The following STRADA variants were observed in gnomAD, a reference collection of about 807,000 sequenced individuals.
The protein encoded by STRADA is STE20 related adaptor alpha, also known as STE20-related kinase adapter protein alpha.
STRADA carries 26 observed loss-of-function variants against 55.0 expected under a neutral mutation model. The ratio of observed to expected loss-of-function variants is 0.47; its 90% confidence interval spans 0.35 to 0.66. The LOEUF (loss-of-function observed/expected upper bound fraction) is 0.66, where lower values mean the gene tolerates loss of function less well. Ranked by LOEUF, STRADA falls within the 30% of genes least tolerant of loss-of-function variation. STRADA has a pLI of 0.01. For missense variants in STRADA, 443 were observed against 549.7 expected, an observed-to-expected ratio of 0.81 and a Z score of 1.94; for synonymous variants, 197 against 210.9, an observed-to-expected ratio of 0.93 and a Z score of 0.57.
intron 8 of STRADA, among the ~76,000 whole-genome samples, chr17:63,708,433 C>G (rs1281099130): frequency 6.6e-6 from 1 of 151,780 alleles, no homozygotes; most frequent in African/African-American, 2.4e-5. Context: ...CTCCTGACCT[C>G]AAGAGATCCA....
At chr17:63,728,863 G>C (rs1401799062) in intron 1 of STRADA, among the ~76,000 whole-genome samples, 1 of 147,250 alleles carries the variant, frequency 6.8e-6, no homozygotes, top group African/African-American at 2.6e-5. Context: ...TTGCATTCCA[G>C]CCTGGGTGAC....
chr17:63,730,418 C>T (rs1006146547), intron 1 of STRADA, among the ~76,000 whole-genome samples: 6 of 144,676 alleles, frequency 4.1e-5, no homozygotes, highest in African/African-American at 1.3e-4. Context: ...TTTTTTGAGG[C>T]GGGGTCTGGC....
chr17:63,730,955 CT>C lies in STRADA; in HGVS notation c.-44-2543del, dbSNP rs373139976. Among the ~76,000 whole-genome samples, 77 of 150,074 alleles carry C rather than the reference CT, an allele frequency of 5.1e-4. 1 individual carries two copies. The highest frequency in any genetic ancestry group is 3.5e-3 in the Middle Eastern group (1 of 286). On this transcript the variant is annotated intron_variant, in intron 1 of 12. Transcript: ENST00000336174. ...CTGCGCCTGGCCCTACCCTGATATT[CT>C]TTTTTTTTGAGATGGAGTCTCGCTC...
chr17:63,723,217 A>T, intron 4 of STRADA, 81 bp downstream of exon 4: 2 of 1,454,186 alleles, frequency 1.4e-6, no homozygotes, highest in South Asian at 2.3e-5. Flanking sequence ...ATAAAATGAT[A>T]AGCCAACAAA....
chr17:63,741,856 G>C (rs1421267597), upstream of STRADA: 2 of 152,792 alleles, frequency 1.3e-5, no homozygotes, highest in African/African-American at 4.8e-5. Context: ...GCCATGCGCA[G>C]TGGGGCGACC....
rs780888511 is a variant in STRADA, at chr17:63,710,529, C to T, written c.543G>A (p.Lys181=). 10 of 1,613,956 alleles carry T rather than the reference C, an allele frequency of 6.2e-6. No individual in the cohort carries two copies. Among genetic ancestry groups the T allele is most frequent in the Non-Finnish European group, 8.5e-6 (10 of 1,179,884 alleles). ...AIAYILQGVL[K]ALDYIHHMGY... The stretch of plus-strand genomic sequence containing the variant: ...CCATGTGGTGGATGTAGTCGAGGGC[C>T]TTCAGCACCCCCTGCAGGATGTAAG... The change falls in exon 8 of 13, where the codon AAG becomes AAA. Residue 181 remains lysine, a synonymous_variant. Coordinates refer to ENST00000336174, the MANE Select transcript of STRADA (RefSeq NM_001003787.4).
rs895954113 is a variant in STRADA at position 63,741,768 on chromosome 17, G to C, written c.-72C>G. ...GTTCCTGGAGTTAGCAAGCAGCCCCGACCGTCTTGGCTCCGCCTCCTCAGT... is the reference window on the plus strand; with the variant it reads ...GTTCCTGGAGTTAGCAAGCAGCCCCCACCGTCTTGGCTCCGCCTCCTCAGT... On this transcript the variant is annotated 5_prime_UTR_variant, in exon 1 of 13. Coordinates refer to ENST00000336174, the MANE Select transcript of STRADA (RefSeq NM_001003787.4). The C allele has an allele frequency of 6.5e-6, 1 of 152,810 alleles. No homozygotes were observed. The highest frequency in any genetic ancestry group is 1.5e-5 in the Non-Finnish European group (1 of 68,498). 9.5% of individuals were successfully genotyped at this position (152,810 alleles called of 1,614,324 possible).
At chr17:63,704,954 G>A (rs757334898) in intron 10 of STRADA, 14 of 1,508,338 alleles carry the variant, frequency 9.3e-6, no homozygotes, top group South Asian at 2.4e-5. Flanking sequence ...AAGCCCAGCC[G>A]TCTGCCATGC....
Position 63,706,639 on chromosome 17 carries a change from G to A in STRADA, c.854C>T (p.Thr285Ile), listed in dbSNP as rs1190746792. The A allele has an allele frequency of 1.2e-6, 2 of 1,612,000 alleles. No homozygotes were observed. The highest frequency in any genetic ancestry group is 1.3e-5 in the African/African-American group (1 of 74,874). ...ACCGATGGGCGGCAGGCTTACCTGG[G>A]TGGCAGGCATATCCTTAAAGGGGAC... ...GHVPFKDMPA[T>I]QMLLEKLNGT... is the part of the protein sequence containing the mutation. Residue 285 changes from threonine (T) to isoleucine (I), a missense_variant, in exon 10 of 13, where the codon ACC (threonine) becomes ATC (isoleucine). Thr to Ile is a moderately conservative substitution (Grantham distance 89, BLOSUM62 -1). Transcript: ENST00000336174.
intron 5 of STRADA, 56 bp downstream of exon 5, chr17:63,713,950 G>A: frequency 7.0e-7 from 1 of 1,425,226 alleles, no homozygotes; most frequent in Non-Finnish European, 9.9e-7. Flanking sequence ...TGCTGAGAAA[G>A]CTGCAGCAGC....
chr17:63,722,657 G>C (rs1440827170), intron 4 of STRADA, among the ~76,000 whole-genome samples: 1 of 152,150 alleles, frequency 6.6e-6, no homozygotes, highest in Non-Finnish European at 1.5e-5. Context: ...AGTCTAGGTA[G>C]GAAAGGTTCT....
intron 8 of STRADA, among the ~76,000 whole-genome samples, chr17:63,709,273 G>A (rs1463977335): frequency 1.3e-5 from 2 of 152,312 alleles, no homozygotes; most frequent in East Asian, 1.9e-4. Context: ...ACTGGGACTC[G>A]TCCAGCCTCC....
intron 4 of STRADA, among the ~76,000 whole-genome samples, chr17:63,717,371 G>A (rs2036963452): frequency 6.6e-6 from 1 of 152,176 alleles, no homozygotes; most frequent in South Asian, 2.1e-4. Flanking sequence ...GCAATGGCGT[G>A]ATCTCAGCTC....
At chr17:63,733,824 T>G (rs922983319) in intron 1 of STRADA, among the ~76,000 whole-genome samples, 2 of 152,212 alleles carry the variant, frequency 1.3e-5, no homozygotes, top group Non-Finnish European at 2.9e-5. Flanking sequence ...GAGTTTCTAA[T>G]GAGCTTTCCT....
chr17:63,710,801 G>C lies in STRADA; in HGVS notation c.384C>G (p.Pro128=), dbSNP rs750792651. The change falls in exon 7 of 13, where the codon CCC becomes CCG. Residue 128 remains proline, a synonymous_variant. Transcript: ENST00000336174. ...AAGTGGCTCGATATGGCACGATATT[G>C]GGATGGTTGAAGAGTTTGGAGACAT... ...ELHVSKLFNH[P]NIVPYRATFI... 6.2e-7 allele frequency: 1 copy of C among 1,614,178 alleles called. No homozygotes were observed. Among genetic ancestry groups the C allele is most frequent in the Non-Finnish European group, 8.5e-7 (1 of 1,180,026 alleles).
chr17:63,709,165 C>T (rs1299510065), intron 8 of STRADA, among the ~76,000 whole-genome samples: 3 of 152,196 alleles, frequency 2.0e-5, no homozygotes, highest in Admixed American at 1.3e-4. Flanking sequence ...TTAGGGTGTA[C>T]ATCCAGAAGT....
chr17:63,738,178 T>C (rs999902052), intron 1 of STRADA, among the ~76,000 whole-genome samples: 9 of 150,546 alleles, frequency 6.0e-5, no homozygotes, highest in Non-Finnish European at 1.2e-4. Flanking sequence ...CCGTCTCTAC[T>C]AAAAATACAA....
At chr17:63,704,895 G>C in intron 10 of STRADA, 1 of 1,535,984 alleles carries the variant, frequency 6.5e-7, no homozygotes, top group Non-Finnish European at 8.7e-7. Context: ...TCCTTTTACC[G>C]TAGAGTCTTC....
At chr17:63,710,987 T>G in intron 6 of STRADA, 151 bp from the exon 7 acceptor site, 3 of 672,148 alleles carry the variant, frequency 4.5e-6, no homozygotes, top group Non-Finnish European at 5.0e-6. Flanking sequence ...CCTGCCAACA[T>G]AGGAAAAACA....
Sources: gnomAD v4.1 joint callset for allele counts (sites outside exome capture counted in the v4.1 genomes callset) on GRCh38, gnomAD v4.1.1 for gene constraint, MANE v1.5 for transcripts, NCBI Gene and HGNC (gene_info 2026-07-23, HGNC 2026-07-21) for gene names.